The following CNTNAP2 variants were observed in gnomAD, a reference collection of about 807,000 sequenced individuals.
CNTNAP2 encodes contactin-associated protein-like 2.
Under a neutral mutation model 155.2 loss-of-function variants are expected in CNTNAP2, and 98 were observed. The ratio of observed to expected loss-of-function variants is 0.63; its 90% CI spans 0.54 to 0.75. The LOEUF is 0.75. CNTNAP2 is among the 30% of genes least tolerant of loss of function. The pLI is 0.00. For missense variants in CNTNAP2, 1,727 were observed against 1,688.1 expected, an observed-to-expected ratio of 1.02 and a Z score of -0.40; for synonymous variants, 651 against 631.2, an observed-to-expected ratio of 1.03 and a Z score of -0.47.
chr7:147,818,512 C>T (rs1030025324), intron 13 of CNTNAP2, among the ~76,000 whole-genome samples: 3 of 152,144 alleles, frequency 2.0e-5, no homozygotes, highest in South Asian at 2.1e-4. Flanking sequence ...CGTGCACTCA[C>T]GATTGCTAGA....
intron 3 of CNTNAP2, among the ~76,000 whole-genome samples, chr7:147,032,520 A>G (rs1799055314): frequency 6.6e-6 from 1 of 152,296 alleles, no homozygotes; most frequent in East Asian, 1.9e-4. Flanking sequence ...ACAAAAACCA[A>G]ATGAAGTGAG....
At chr7:147,575,547 G>C (rs574904362) in intron 12 of CNTNAP2, among the ~76,000 whole-genome samples, 1 of 151,326 alleles carries the variant, frequency 6.6e-6, no homozygotes, top group Non-Finnish European at 1.5e-5. Flanking sequence ...ATGTGTGTGT[G>C]AATTCCCTAG....
intron 19 of CNTNAP2, among the ~76,000 whole-genome samples, chr7:148,220,126 G>A (rs905609312): frequency 1.2e-4 from 19 of 152,248 alleles, no homozygotes; most frequent in East Asian, 9.7e-4. Context: ...TTTTTGAGAC[G>A]GAGTCTCGCT....
chr7:146,380,089 G>A (rs1795359647), intron 1 of CNTNAP2, among the ~76,000 whole-genome samples: 1 of 152,140 alleles, frequency 6.6e-6, no homozygotes, highest in African/African-American at 2.4e-5. Context: ...TGTGCTTTAT[G>A]AGAATGCTGA....
At chr7:147,564,841 A>ATT (rs36105368) in intron 12 of CNTNAP2, among the ~76,000 whole-genome samples, 14 of 151,806 alleles carry the variant, frequency 9.2e-5, no homozygotes, top group East Asian at 1.9e-4. Flanking sequence ...TGCAAGTAGA[A>ATT]TTTTTTTTCT....
rs138344590 is a variant in CNTNAP2 at position 148,118,226 on chromosome 7, C to G, written c.2492C>G (p.Thr831Ser). 1.1e-5 allele frequency: 17 copies of G among 1,614,000 alleles called. No individual in the cohort carries two copies. Among genetic ancestry groups the G allele is most frequent in the Non-Finnish European group, 1.3e-5 (15 of 1,179,996 alleles). ...ATTTCTTTCTACTTCAAAACATTAA[C>G]CCCCTGGGGAGTGTTTCTTGAAAAT... The part of the protein sequence containing the change: ...ADISFYFKTL[T>S]PWGVFLENMG... Residue 831 changes from threonine (T) to serine (S), a missense_variant, in exon 16 of 24, where the codon ACC (threonine) becomes AGC (serine). Physicochemically the swap from Thr to Ser is moderately conservative, Grantham distance 58. Transcript: ENST00000361727.
chr7:147,848,761 A>G (rs1395493553), intron 13 of CNTNAP2, among the ~76,000 whole-genome samples: 1 of 152,186 alleles, frequency 6.6e-6, no homozygotes, highest in African/African-American at 2.4e-5. Context: ...ATAGTTCCAA[A>G]TTACAGAAAC....
chr7:146,730,686 T>C (rs925484571), intron 1 of CNTNAP2, among the ~76,000 whole-genome samples: 2 of 152,170 alleles, frequency 1.3e-5, no homozygotes, highest in African/African-American at 4.8e-5. Context: ...TGTGACCAGT[T>C]TCTTGAATGA....
intron 15 of CNTNAP2, among the ~76,000 whole-genome samples, chr7:148,011,594 A>C (rs1245411372): frequency 6.6e-6 from 1 of 152,176 alleles, no homozygotes; most frequent in Non-Finnish European, 1.5e-5. Flanking sequence ...TGCACCTTGC[A>C]ATGTGTGAGA....
At chr7:146,301,491 C>T (rs113574609) in intron 1 of CNTNAP2, among the ~76,000 whole-genome samples, 148 of 151,856 alleles carry the variant, frequency 9.7e-4, no homozygotes, top group African/African-American at 3.2e-3. Context: ...CCAAGTGTGA[C>T]GGCAGATACC....
intron 13 of CNTNAP2, among the ~76,000 whole-genome samples, chr7:147,702,191 C>T (rs145763400): frequency 0.017 from 2,508 of 151,112 alleles, 224 homozygotes; most frequent in Admixed American, 0.15. Flanking sequence ...CATCTCTCGT[C>T]GGATCCACCT....
intron 1 of CNTNAP2, among the ~76,000 whole-genome samples, chr7:146,745,299 T>C (rs1801790225): frequency 6.6e-6 from 1 of 152,202 alleles, no homozygotes; most frequent in Non-Finnish European, 1.5e-5. Context: ...GCTTTAAATT[T>C]ATTATCTCAT....
At chr7:148,134,237 T>C (rs1337629797) in intron 16 of CNTNAP2, among the ~76,000 whole-genome samples, 1 of 152,222 alleles carries the variant, frequency 6.6e-6, no homozygotes, top group East Asian at 1.9e-4. Context: ...ACTGACTTTT[T>C]ATGAAGAGTG....
chr7:146,484,630 G>GAAAGAAAGA (rs1216587628), intron 1 of CNTNAP2, among the ~76,000 whole-genome samples: 12 of 151,992 alleles, frequency 7.9e-5, no homozygotes, highest in Admixed American at 7.2e-4. Flanking sequence ...AACCGTATCA[G>GAAAGAAAGA]AAAGAAAGAA....
At chr7:146,597,333 G>C (rs142743855) in intron 1 of CNTNAP2, among the ~76,000 whole-genome samples, 1 of 151,828 alleles carries the variant, frequency 6.6e-6, no homozygotes. Context: ...CTCTGGTCAC[G>C]TATCCACAGA....
chr7:147,298,216 G>A (rs773002984), intron 8 of CNTNAP2, among the ~76,000 whole-genome samples: 2 of 152,050 alleles, frequency 1.3e-5, no homozygotes, highest in Non-Finnish European at 2.9e-5. Flanking sequence ...ATCACTTGAG[G>A]TCAGGAGTTC....
intron 4 of CNTNAP2, among the ~76,000 whole-genome samples, chr7:147,070,143 C>T (rs11979139): frequency 0.11 from 16,360 of 152,122 alleles, 2,390 homozygotes; most frequent in African/African-American, 0.33. Flanking sequence ...CAGTACTATG[C>T]TTTTTACATA....
At chr7:147,014,213 C>T (rs1271961748) in intron 3 of CNTNAP2, among the ~76,000 whole-genome samples, 1 of 152,060 alleles carries the variant, frequency 6.6e-6, no homozygotes, top group Non-Finnish European at 1.5e-5. Context: ...ATTTTCTCAG[C>T]AGGAATTAAA....
intron 13 of CNTNAP2, among the ~76,000 whole-genome samples, chr7:147,661,802 C>T (rs28698951): frequency 0.043 from 6,524 of 152,172 alleles, 455 homozygotes; most frequent in African/African-American, 0.15. Flanking sequence ...CTGCCCACCT[C>T]GGCCTCCCAA....
Sources: allele counts gnomAD v4.1 joint callset (sites outside exome capture counted in the v4.1 genomes callset), GRCh38; gene constraint gnomAD v4.1.1; transcripts MANE v1.5; gene names NCBI Gene and HGNC (gene_info 2026-07-23, HGNC 2026-07-21).